Variants in DCC observed in about 807,000 individuals in gnomAD.
The protein encoded by DCC is netrin receptor DCC.
In DCC, 58 loss-of-function variants were observed where a neutral mutation model predicts 172.5. The ratio of observed to expected loss-of-function variants is 0.34; its 90% CI spans 0.27 to 0.42. The LOEUF is 0.42. Ranked by LOEUF, DCC falls within the 10% of genes least tolerant of loss-of-function variation. DCC has a pLI of 1.00. For missense variants in DCC, 1,740 were observed against 1,791.0 expected (o/e 0.97, Z 0.51); for synonymous variants, 709 against 644.5 (o/e 1.10, Z -1.52).
At chr18:52,385,715 G>A (rs529258975) in intron 1 of DCC, among the ~76,000 whole-genome samples, 26 of 152,122 alleles carry the variant, frequency 1.7e-4, no homozygotes, top group East Asian at 1.2e-3. Context: ...TTGGAAAGTC[G>A]AATCTAAAGT....
At chr18:53,440,478 GCTCT>G (rs1180264452) in intron 22 of DCC, among the ~76,000 whole-genome samples, 1 of 147,690 alleles carries the variant, frequency 6.8e-6, no homozygotes, top group Non-Finnish European at 1.5e-5. Flanking sequence ...GAAGCAGTTT[GCTCT>G]CTATTTTTGC....
intron 1 of DCC, among the ~76,000 whole-genome samples, chr18:52,467,495 C>T (rs1285142151): frequency 6.6e-6 from 1 of 152,156 alleles, no homozygotes; most frequent in Non-Finnish European, 1.5e-5. Context: ...TTGAACAGTG[C>T]TGCAATAAAC....
chr18:52,965,757 T>G (rs1349258779), intron 5 of DCC, among the ~76,000 whole-genome samples: 1 of 152,142 alleles, frequency 6.6e-6, no homozygotes, highest in Non-Finnish European at 1.5e-5. Flanking sequence ...TAATTTATAT[T>G]TGTGGTCTAA....
intron 1 of DCC, among the ~76,000 whole-genome samples, chr18:52,473,707 C>T (rs1165827147): frequency 6.6e-6 from 1 of 152,168 alleles, no homozygotes; most frequent in East Asian, 1.9e-4. Context: ...CGATTATCTC[C>T]ACCTAGTCCC....
In DCC at chr18:53,394,486, AG is replaced by A. The variant is rs1377430657; in HGVS notation, c.2688+2600del. ...TGTATTAACTTTCCTGATCAAATGG[AG>A]ACATTTTCTATATGTTTTTCTATTA... On this transcript the variant is annotated intron_variant, in intron 17 of 28. Transcript: ENST00000442544. Among the ~76,000 whole-genome samples the A allele has an allele frequency of 6.6e-5, 10 of 152,288 alleles. No homozygotes were observed. In the East Asian group the frequency reaches 1.9e-3, roughly 29 times the overall value.
At chr18:52,872,605 C>T (rs1261175667) in intron 2 of DCC, among the ~76,000 whole-genome samples, 1 of 152,192 alleles carries the variant, frequency 6.6e-6, no homozygotes, top group Admixed American at 6.5e-5. Context: ...ACAGGAGACT[C>T]ATCTCTGCCT....
At chr18:53,482,471 G>T (rs2045844725) in intron 25 of DCC, among the ~76,000 whole-genome samples, 1 of 152,050 alleles carries the variant, frequency 6.6e-6, no homozygotes, top group Admixed American at 6.6e-5. Context: ...TCAGTCTCTA[G>T]AGTGCTCTCA....
intron 7 of DCC, among the ~76,000 whole-genome samples, chr18:53,115,823 T>C (rs1270412991): frequency 6.6e-6 from 1 of 151,668 alleles, no homozygotes; most frequent in East Asian, 1.9e-4. Context: ...GATGTTTTAA[T>C]GGGAAGATTA....
intron 1 of DCC, among the ~76,000 whole-genome samples, chr18:52,468,006 G>A (rs990941442): frequency 6.6e-6 from 1 of 152,042 alleles, no homozygotes; most frequent in Non-Finnish European, 1.5e-5. Flanking sequence ...TGAATGATGA[G>A]CCCTATTACT....
At chr18:52,816,673 A>G (rs1189366358) in intron 2 of DCC, 3 of 152,172 alleles carry the variant, frequency 2.0e-5, no homozygotes, top group African/African-American at 4.8e-5. Flanking sequence ...CAACATAGCC[A>G]TGGCAGTTTA....
chr18:52,396,281 A>AACCCCCCCCCCC (rs1568149503), intron 1 of DCC, among the ~76,000 whole-genome samples: 7 of 114,284 alleles, frequency 6.1e-5, no homozygotes, highest in Non-Finnish European at 7.1e-5. Flanking sequence ...CCTGCACCAC[A>AACCCCCCCCCCC]CCCCCCCCCC....
At chr18:53,334,457 TTAAG>T (rs1296933341) in intron 14 of DCC, among the ~76,000 whole-genome samples, 1 of 152,190 alleles carries the variant, frequency 6.6e-6, no homozygotes, top group Non-Finnish European at 1.5e-5. Flanking sequence ...CTAACAATCT[TTAAG>T]TATACAGTTC....
chr18:52,860,644 C>T (rs2039126723), intron 2 of DCC, among the ~76,000 whole-genome samples: 1 of 152,192 alleles, frequency 6.6e-6, no homozygotes, highest in African/African-American at 2.4e-5. Context: ...TTAGAATACT[C>T]AGCCTTATTA....
At chr18:52,906,752 A>T (rs1487939843) in intron 3 of DCC, among the ~76,000 whole-genome samples, 1 of 151,898 alleles carries the variant, frequency 6.6e-6, no homozygotes, top group Non-Finnish European at 1.5e-5. Flanking sequence ...TGAACTATAG[A>T]TATATGATAC....
chr18:53,287,521 G>A (rs2056950397), intron 12 of DCC, among the ~76,000 whole-genome samples: 1 of 152,086 alleles, frequency 6.6e-6, no homozygotes, highest in Non-Finnish European at 1.5e-5. Context: ...GAACTGCTGG[G>A]TCATACTTAA....
intron 2 of DCC, among the ~76,000 whole-genome samples, chr18:52,808,167 T>C (rs1286888796): frequency 6.6e-6 from 1 of 150,456 alleles, no homozygotes; most frequent in African/African-American, 2.4e-5. Flanking sequence ...TGCACACATA[T>C]ACAAGTTAGG....
chr18:52,893,552 C>G (rs2039683897), intron 2 of DCC, among the ~76,000 whole-genome samples: 1 of 152,028 alleles, frequency 6.6e-6, no homozygotes, highest in African/African-American at 2.4e-5. Flanking sequence ...TGCCAAGTTT[C>G]TTTGTTTATG....
chr18:53,456,612 C>T (rs944544364), intron 23 of DCC, among the ~76,000 whole-genome samples: 3 of 152,172 alleles, frequency 2.0e-5, no homozygotes, highest in South Asian at 2.1e-4. Context: ...AGACAGACTG[C>T]CCCCTGCAAC....
intron 1 of DCC, among the ~76,000 whole-genome samples, chr18:52,568,485 T>C (rs2033216612): frequency 6.6e-6 from 1 of 152,196 alleles, no homozygotes; most frequent in African/African-American, 2.4e-5. Flanking sequence ...AATGAGCTTT[T>C]ATACAGATAT....
Sources: allele counts gnomAD v4.1 joint callset (sites outside exome capture counted in the v4.1 genomes callset), GRCh38; gene constraint gnomAD v4.1.1; transcripts MANE v1.5; gene names NCBI Gene and HGNC (gene_info 2026-07-23, HGNC 2026-07-21).